The following RBFOX1 variants were observed in gnomAD, a reference collection of about 807,000 sequenced individuals.
RBFOX1 encodes RNA binding protein fox-1 homolog 1.
In RBFOX1, 8 loss-of-function variants were observed where a neutral mutation model predicts 57.7. That is an observed-to-expected ratio of 0.14 (90% CI 0.08 to 0.25). The LOEUF (loss-of-function observed/expected upper bound fraction) is 0.25. Among genes scored for constraint, RBFOX1 ranks in the 10% least tolerant of loss-of-function variants. The pLI, the probability that RBFOX1 is intolerant of heterozygous loss-of-function variation, is 1.00. For synonymous variants in RBFOX1, 326 were observed against 222.4 expected, an observed-to-expected ratio of 1.47 and a Z score of -4.15; for missense variants, 611 against 548.5, an observed-to-expected ratio of 1.11 and a Z score of -1.14.
In RBFOX1 at chr16:6,776,207, C is replaced by G. The variant is rs192653890; in HGVS notation, c.-16+121557C>G. ...CAGACAGATCACTAGGTCGGGAGATCGAGACCATCCTGGCTAACACGGTGA... is the reference window on the plus strand; with the variant it reads ...CAGACAGATCACTAGGTCGGGAGATGGAGACCATCCTGGCTAACACGGTGA... On this transcript the variant is annotated intron_variant, in intron 3 of 15. Coordinates refer to ENST00000550418, the MANE Select transcript of RBFOX1 (RefSeq NM_018723.4). 2.5e-3 allele frequency among the ~76,000 whole-genome samples: 386 copies of G among 152,014 alleles called. 1 individual carries two copies. Among genetic ancestry groups the G allele is most frequent in the African/African-American group, 8.4e-3 (348 of 41,458 alleles).
chr16:7,205,526 AAAG>A (rs1236547488), intron 4 of RBFOX1, among the ~76,000 whole-genome samples: 4 of 151,006 alleles, frequency 2.6e-5, no homozygotes, highest in Admixed American at 2.6e-4. Flanking sequence ...AAAAAAAAAA[AAAG>A]AAAAAGAAAA....
At chr16:7,094,777 G>GGGT (rs1812011667) in intron 4 of RBFOX1, among the ~76,000 whole-genome samples, 2 of 53,602 alleles carry the variant, frequency 3.7e-5, no homozygotes, top group African/African-American at 5.1e-5. Context: ...TGTGTGTGTG[G>GGGT]GTGTGTGTGT....
Position 5,431,663 on chromosome 16 carries a change from G to A in RBFOX1, c.220-35553G>A, listed in dbSNP as rs1225649425. Among the ~76,000 whole-genome samples the A allele has an allele frequency of 2.0e-5, 3 of 152,116 alleles. No homozygotes were observed. The East Asian group carries it at 5.8e-4, about 29-fold the overall frequency. On this transcript the variant is annotated intron_variant, in intron 1 of 2. Coordinates refer to the RBFOX1 transcript ENST00000585867. The stretch of plus-strand genomic sequence containing the variant: ...GCTGGGGTTACAGGTGTGAGCCACC[G>A]TGCCCAGCCGCTGGTTTATTTTTTA...
At chr16:7,218,757 C>T (rs542906097) in intron 4 of RBFOX1, among the ~76,000 whole-genome samples, 1 of 149,826 alleles carries the variant, frequency 6.7e-6, no homozygotes, top group African/African-American at 2.5e-5. Context: ...TAGTTTTCAG[C>T]AGAGATTGCC....
intron 1 of RBFOX1, among the ~76,000 whole-genome samples, chr16:5,254,489 A>G (rs1370753370): frequency 6.6e-6 from 1 of 152,104 alleles, no homozygotes; most frequent in African/African-American, 2.4e-5. Context: ...CACTTTTTTA[A>G]AAAGGAGTCT....
At chr16:6,705,796 T>C (rs996289648) in intron 3 of RBFOX1, among the ~76,000 whole-genome samples, 1 of 152,136 alleles carries the variant, frequency 6.6e-6, no homozygotes, top group East Asian at 1.9e-4. Context: ...GGCAGGCAGA[T>C]CACTTGAGCT....
At position 7,066,228 on chromosome 16, in the gene RBFOX1, G is replaced by A. The variant is rs184877527; in HGVS notation, c.27+14130G>A. Among the ~76,000 whole-genome samples the A allele has an allele frequency of 5.3e-4, 80 of 152,324 alleles. 1 individual carries two copies. The highest frequency in any genetic ancestry group is 1.9e-3 in the African/African-American group (78 of 41,572). On this transcript the variant is annotated intron_variant, in intron 4 of 15. Transcript: ENST00000550418. ...TTAAGAGTTAGAACCATAGCTAATTGTGGAGCTGGGAATTGAACCCAGGTC... is the reference window on the plus strand; with the variant it reads ...TTAAGAGTTAGAACCATAGCTAATTATGGAGCTGGGAATTGAACCCAGGTC...
chr16:5,814,685 T>G (rs2055559850), intron 3 of RBFOX1, among the ~76,000 whole-genome samples: 1 of 152,248 alleles, frequency 6.6e-6, no homozygotes, highest in East Asian at 1.9e-4. Context: ...TCCCAGCACT[T>G]TGGGAGGCCG....
Position 6,117,113 on chromosome 16 carries a change from A to T in RBFOX1, c.-127+97121A>T, listed in dbSNP as rs183365344. ...AAGCCTTCTTGGAGTAGTTGTAGATAAATAAAGGCTGAGATGCTGAGTTCC... is the reference window on the plus strand; with the variant it reads ...AAGCCTTCTTGGAGTAGTTGTAGATTAATAAAGGCTGAGATGCTGAGTTCC... On this transcript the variant is annotated intron_variant, in intron 1 of 15. Transcript: ENST00000550418. 2.2e-3 allele frequency among the ~76,000 whole-genome samples: 330 copies of T among 152,284 alleles called. 4 individuals carry two copies. Among genetic ancestry groups the T allele is most frequent in the Non-Finnish European group, 5.1e-4 (35 of 68,030 alleles).
chr16:6,340,381 A>C (rs1418817479), intron 2 of RBFOX1, among the ~76,000 whole-genome samples: 1 of 152,220 alleles, frequency 6.6e-6, no homozygotes, highest in Non-Finnish European at 1.5e-5. Context: ...GCAAGAAGTA[A>C]TTTAGGGCAA....
intron 9 of RBFOX1, among the ~76,000 whole-genome samples, chr16:7,605,500 G>A (rs1415217732): frequency 6.6e-6 from 1 of 152,124 alleles, no homozygotes; most frequent in Non-Finnish European, 1.5e-5. Flanking sequence ...AGCTTCTTCA[G>A]GTTGGAACTG....
intron 9 of RBFOX1, 118 bp from the exon 10 acceptor site, chr16:7,607,167 C>T: frequency 2.2e-6 from 2 of 898,124 alleles, no homozygotes; most frequent in Non-Finnish European, 3.4e-6. Context: ...ACGACACCTC[C>T]TTTACATTTT....
intron 1 of RBFOX1, among the ~76,000 whole-genome samples, chr16:5,429,536 G>C (rs2067665851): frequency 1.3e-5 from 2 of 152,314 alleles, no homozygotes; most frequent in African/African-American, 4.8e-5. Context: ...GCACAGCCAA[G>C]ACAGGGACCA....
At chr16:7,477,230 A>T (rs991578198) in intron 4 of RBFOX1, among the ~76,000 whole-genome samples, 2 of 152,226 alleles carry the variant, frequency 1.3e-5, no homozygotes, top group Non-Finnish European at 2.9e-5. Flanking sequence ...CAGGGTAGAA[A>T]TAAGACATCG....
At chr16:7,524,889 A>C (rs1251788288) in intron 5 of RBFOX1, among the ~76,000 whole-genome samples, 1 of 152,246 alleles carries the variant, frequency 6.6e-6, no homozygotes, top group East Asian at 1.9e-4. Context: ...TGTTCAGGGC[A>C]TTCCTTTTGA....
chr16:6,919,544 A>G (rs1178002316), intron 3 of RBFOX1, among the ~76,000 whole-genome samples: 1 of 151,880 alleles, frequency 6.6e-6, no homozygotes, highest in Non-Finnish European at 1.5e-5. Flanking sequence ...TCCAGAACCT[A>G]CTCTCTTAGA....
intron 4 of RBFOX1, among the ~76,000 whole-genome samples, chr16:5,887,725 G>A (rs986928875): frequency 2.1e-4 from 32 of 152,206 alleles, no homozygotes; most frequent in Admixed American, 1.9e-3. Context: ...GTTTTTTACA[G>A]AAGTGAAAAT....
chr16:6,970,197 GAAAC>G (rs1476586853), intron 3 of RBFOX1, among the ~76,000 whole-genome samples: 2 of 151,096 alleles, frequency 1.3e-5, no homozygotes, highest in African/African-American at 2.4e-5. Context: ...AAAAAAGAAA[GAAAC>G]AAAAAACCCC....
intron 1 of RBFOX1, among the ~76,000 whole-genome samples, chr16:6,079,564 T>G (rs1465598010): frequency 6.7e-6 from 1 of 149,758 alleles, no homozygotes; most frequent in Admixed American, 6.7e-5. Flanking sequence ...GCTCAACTGA[T>G]CCACCAGCCT....
Sources: gnomAD v4.1 joint callset for allele counts (sites outside exome capture counted in the v4.1 genomes callset) on GRCh38, gnomAD v4.1.1 for gene constraint, MANE v1.5 for transcripts, NCBI Gene and HGNC (gene_info 2026-07-23, HGNC 2026-07-21) for gene names.